PTPRD: variants seen among roughly 807,000 people sequenced by gnomAD.
The protein encoded by PTPRD is protein tyrosine phosphatase receptor type D.
PTPRD carries 34 observed loss-of-function variants against 214.5 expected under a neutral mutation model. The ratio of observed to expected loss-of-function variants is 0.16; its 90% CI spans 0.12 to 0.21. The LOEUF is 0.21. Ranked by LOEUF, PTPRD falls within the 10% of genes least tolerant of loss-of-function variation. PTPRD has a pLI of 1.00. For synonymous variants in PTPRD, 1,128 were observed against 845.7 expected, an observed-to-expected ratio of 1.33 and a Z score of -5.79; for missense variants, 2,545 against 2,398.7, an observed-to-expected ratio of 1.06 and a Z score of -1.27.
At chr9:8,351,730 C>A in intron 39 of PTPRD, among the ~76,000 whole-genome samples, 1 of 112,562 alleles carries the variant, frequency 8.9e-6, no homozygotes, top group African/African-American at 4.0e-5. Context: ...GAGGAGACTG[C>A]TTGGCAAAGA....
At chr9:9,583,324 A>G (rs2091247417) in intron 7 of PTPRD, among the ~76,000 whole-genome samples, 1 of 152,068 alleles carries the variant, frequency 6.6e-6, no homozygotes, top group African/African-American at 2.4e-5. Context: ...ACTCTTAGGC[A>G]TTACTACTCA....
chr9:10,174,000 G>T (rs745631234), intron 3 of PTPRD, among the ~76,000 whole-genome samples: 5 of 152,094 alleles, frequency 3.3e-5, no homozygotes, highest in Non-Finnish European at 7.4e-5. Context: ...ATATGTGTAT[G>T]CATATACAAT....
chr9:8,499,703 T>C lies in PTPRD; in HGVS notation c.2266A>G (p.Asn756Asp), dbSNP rs541301611. The change falls in exon 25 of 46, where the codon AAT becomes GAT. Residue 756 changes from asparagine to aspartate, a missense_variant. By Grantham distance (23) the Asn-to-Asp change is conservative. Transcript: ENST00000381196. ...GYQVHYVRMENGEPKGQPMLK... is the reference protein window; with the variant it reads ...GYQVHYVRMEDGEPKGQPMLK... ...ATGGGCTGGCCCTTGGGCTCACCAT[T>C]TTCCATCCTCACATAATGCACCTGA... The C allele has an allele frequency of 6.2e-7, 1 of 1,614,108 alleles. No homozygotes were observed. The highest frequency in any genetic ancestry group is 1.1e-5 in the South Asian group (1 of 91,064).
At chr9:10,585,905 A>C (rs978206751) in intron 2 of PTPRD, among the ~76,000 whole-genome samples, 2 of 152,112 alleles carry the variant, frequency 1.3e-5, no homozygotes, top group African/African-American at 4.8e-5. Flanking sequence ...AGTCATATGA[A>C]AATAAATTCC....
chr9:9,985,040 T>C (rs1425283256), intron 4 of PTPRD, among the ~76,000 whole-genome samples: 2 of 152,188 alleles, frequency 1.3e-5, no homozygotes, highest in African/African-American at 4.8e-5. Flanking sequence ...GGTTTAAATA[T>C]GTTTCACATG....
chr9:9,042,575 A>C (rs1441441699), intron 10 of PTPRD, among the ~76,000 whole-genome samples: 4 of 150,816 alleles, frequency 2.7e-5, no homozygotes, highest in African/African-American at 4.9e-5. Context: ...TTTTGCCCTG[A>C]GAGAAAATAC....
In PTPRD at chr9:9,921,490, G is replaced by T. The variant is rs556877367; in HGVS notation, c.-368+17017C>A. Among the ~76,000 whole-genome samples, 10 of 151,858 alleles carry T rather than the reference G, an allele frequency of 6.6e-5. No individual in the cohort carries two copies. In the South Asian group the frequency reaches 2.1e-3, roughly 32 times the overall value. ...TAATTCTAGTAAAATATCTTAGAAT[G>T]ATTTTTTTAATATATAGATTAAGAA... On this transcript the variant is annotated intron_variant, in intron 5 of 45. Transcript: ENST00000381196.
At chr9:10,397,247 T>A (rs554331807) in intron 2 of PTPRD, among the ~76,000 whole-genome samples, 1 of 152,192 alleles carries the variant, frequency 6.6e-6, no homozygotes, top group South Asian at 2.1e-4. Context: ...TGTCACAAAT[T>A]AACTACTCTA....
intron 11 of PTPRD, among the ~76,000 whole-genome samples, chr9:8,980,815 G>A (rs537753078): frequency 6.6e-6 from 1 of 152,004 alleles, no homozygotes; most frequent in South Asian, 2.1e-4. Flanking sequence ...GGGGACTTAC[G>A]GTGTACATTT....
chr9:9,775,588 C>T (rs1329031324), intron 5 of PTPRD, among the ~76,000 whole-genome samples: 2 of 152,080 alleles, frequency 1.3e-5, no homozygotes, highest in Non-Finnish European at 2.9e-5. Context: ...AATTGATCTC[C>T]CCACCTTCAA....
chr9:9,560,027 G>A (rs368220745), intron 8 of PTPRD, among the ~76,000 whole-genome samples: 12 of 152,242 alleles, frequency 7.9e-5, no homozygotes, highest in Non-Finnish European at 1.5e-4. Flanking sequence ...CCCTCAAGTC[G>A]GGCTTCTCGG....
intron 2 of PTPRD, among the ~76,000 whole-genome samples, chr9:10,573,752 T>A (rs533227496): frequency 6.6e-6 from 1 of 151,846 alleles, no homozygotes; most frequent in African/African-American, 2.4e-5. Context: ...GAAAAAATAA[T>A]AAATAAGAAA....
At chr9:8,744,007 C>A in intron 11 of PTPRD, among the ~76,000 whole-genome samples, 1 of 151,320 alleles carries the variant, frequency 6.6e-6, no homozygotes, top group East Asian at 1.9e-4. Context: ...AAAAGATATA[C>A]AAATGGCCAA....
At chr9:9,931,046 C>A (rs1016395927) in intron 5 of PTPRD, among the ~76,000 whole-genome samples, 1 of 151,784 alleles carries the variant, frequency 6.6e-6, no homozygotes, top group African/African-American at 2.4e-5. Context: ...GATTTTAATC[C>A]CTCTAGAAAA....
At chr9:10,082,539 CA>C (rs1415021520) in intron 3 of PTPRD, among the ~76,000 whole-genome samples, 1 of 151,760 alleles carries the variant, frequency 6.6e-6, no homozygotes, top group African/African-American at 2.4e-5. Context: ...AATTACAAGA[CA>C]GAAAAAGAAA....
chr9:9,136,959 C>T (rs1348480527), intron 10 of PTPRD, among the ~76,000 whole-genome samples: 1 of 152,082 alleles, frequency 6.6e-6, no homozygotes, highest in African/African-American at 2.4e-5. Flanking sequence ...ACTAGATCTC[C>T]ACTGGCAGTG....
At chr9:10,108,493 G>T (rs1188485098) in intron 3 of PTPRD, among the ~76,000 whole-genome samples, 1 of 151,118 alleles carries the variant, frequency 6.6e-6, no homozygotes, top group Non-Finnish European at 1.5e-5. Flanking sequence ...CCCAGCTTCT[G>T]GTACCCAAGA....
chr9:8,470,861 C>G (rs2096639614), intron 31 of PTPRD, 134 bp downstream of exon 31: 2 of 741,880 alleles, frequency 2.7e-6, no homozygotes, highest in Admixed American at 2.0e-5. Flanking sequence ...GCCCATAGCA[C>G]TGAACCATCC....
intron 6 of PTPRD, among the ~76,000 whole-genome samples, chr9:9,748,932 A>G (rs1293288477): frequency 6.6e-6 from 1 of 152,152 alleles, no homozygotes; most frequent in Non-Finnish European, 1.5e-5. Flanking sequence ...TACATTTGAC[A>G]ACATGGCTGG....
Sources: gnomAD v4.1 joint callset for allele counts (sites outside exome capture counted in the v4.1 genomes callset) on GRCh38, gnomAD v4.1.1 for gene constraint, MANE v1.5 for transcripts, NCBI Gene and HGNC (gene_info 2026-07-23, HGNC 2026-07-21) for gene names.